The following PRTG variants were observed in gnomAD, a reference collection of about 807,000 sequenced individuals.
PRTG encodes immunoglobulin superfamily, DCC subclass, member 5.
A neutral mutation model predicts 122.5 loss-of-function variants in PRTG; 67 were observed. The observed-to-expected ratio is 0.55, with a 90% CI of 0.45 to 0.67. The LOEUF is 0.67. Among genes scored for constraint, PRTG ranks in the 30% least tolerant of loss-of-function variants. The pLI, the probability that PRTG is intolerant of heterozygous loss-of-function variation, is 0.00. For synonymous variants in PRTG, 554 were observed against 501.1 expected, an observed-to-expected ratio of 1.11 and a Z score of -1.41; for missense variants, 1,435 against 1,415.4, an observed-to-expected ratio of 1.01 and a Z score of -0.22.
rs1408430197 is a variant in PRTG at position 55,661,565 on chromosome 15, C to A, written c.2041+10880G>T. Among the ~76,000 whole-genome samples, 2 of 152,120 alleles carry A rather than the reference C, an allele frequency of 1.3e-5. 1 individual carries two copies. The highest frequency in any genetic ancestry group is 1.3e-4 in the Admixed American group (2 of 15,270). On this transcript the variant is annotated intron_variant, in intron 11 of 19. Transcript: ENST00000389286. ...CTGTGCTATGCAGTTTCAGGGTAGA[C>A]AATTTTCTTTACTCTTTCTTTTCTT...
Position 55,638,662 on chromosome 15 carries a change from A to G in PRTG, c.2339T>C (p.Met780Thr), listed in dbSNP as rs770327565. Residue 780 changes from methionine (M) to threonine (T), a missense_variant, in exon 14 of 20, where the codon ATG (methionine) becomes ACG (threonine). By Grantham distance (81) the Met-to-Thr change is moderately conservative (BLOSUM62 -1). Transcript: ENST00000389286. ...VLYLQTSETHMLVQGLEPNTK... is the reference protein window; with the variant it reads ...VLYLQTSETHTLVQGLEPNTK... The stretch of plus-strand genomic sequence containing the variant: ...GTTTGGTTCTAGACCTTGAACCAAC[A>G]TGTGAGTTTCTGATCTATAATAACG... 2 of 1,612,868 alleles carry G rather than the reference A, an allele frequency of 1.2e-6. No individual in the cohort carries two copies. The highest frequency in any genetic ancestry group is 1.1e-5 in the South Asian group (1 of 90,754).
intron 5 of PRTG, 127 bp downstream of exon 5, chr15:55,680,364 C>CA (rs1409265093): frequency 8.3e-7 from 1 of 1,203,206 alleles, no homozygotes; most frequent in Non-Finnish European, 1.1e-6. Context: ...ACTGAAATGC[C>CA]AAAAAAATTA....
At chr15:55,696,596 T>G (rs2141835469) in intron 2 of PRTG, among the ~76,000 whole-genome samples, 1 of 152,172 alleles carries the variant, frequency 6.6e-6, no homozygotes, top group East Asian at 1.9e-4. Flanking sequence ...AAAACTTATA[T>G]CCTTAAGACT....
intron 2 of PRTG, among the ~76,000 whole-genome samples, chr15:55,719,713 A>AAACAATGAGAAATTGTCTCACTT (rs1217015593): frequency 1.3e-5 from 2 of 152,196 alleles, no homozygotes; most frequent in Admixed American, 6.5e-5. Flanking sequence ...GGCAATATTA[A>AAACAATGAGAAATTGTCTCACTT]AACAATGAGA....
rs151058994 is a variant in PRTG at position 55,717,745 on chromosome 15, C to G, written c.397+22637G>C. Among the ~76,000 whole-genome samples, 919 of 152,296 alleles carry G rather than the reference C, an allele frequency of 6.0e-3. 7 individuals are homozygous for G. The highest frequency in any genetic ancestry group is 8.7e-3 in the Non-Finnish European group (593 of 68,038). On this transcript the variant is annotated intron_variant, in intron 2 of 19. Transcript: ENST00000389286. ...TTTTTAATCATCATAATTTCACTAT[C>G]ATACATAAAAAGTGTCCAGCATTTT...
intron 1 of PRTG, among the ~76,000 whole-genome samples, chr15:55,741,622 G>A (rs1045781620): frequency 5.3e-5 from 8 of 152,098 alleles, no homozygotes; most frequent in Non-Finnish European, 8.8e-5. Context: ...ATTGATTGGG[G>A]GTGAATGGAG....
intron 2 of PRTG, among the ~76,000 whole-genome samples, chr15:55,694,846 G>T (rs1371769236): frequency 6.6e-6 from 1 of 152,114 alleles, no homozygotes; most frequent in Non-Finnish European, 1.5e-5. Context: ...CCGCCAGTTA[G>T]GTATGATTTT....
At chr15:55,729,417 T>C (rs2031152910) in intron 2 of PRTG, among the ~76,000 whole-genome samples, 1 of 151,684 alleles carries the variant, frequency 6.6e-6, no homozygotes, top group Non-Finnish European at 1.5e-5. Flanking sequence ...GTGATGAAAA[T>C]TTTCTGGAAT....
Position 55,618,465 on chromosome 15 carries a change from C to A in PRTG, c.*1547G>T, listed in dbSNP as rs374240627. 6.6e-6 allele frequency: 1 copy of A among 152,166 alleles called. No individual in the cohort carries two copies. 9.4% of individuals were successfully genotyped at this position (152,166 alleles called of 1,614,324 possible). A position where few individuals can be genotyped will look rare whatever the true frequency, so the allele number is the denominator to read the frequency against. ...AAGGATATGGGACCCCTTCTCTACA[C>A]GCGTTTAGTTCTTTATCCTCTCCCA... On this transcript the variant is annotated 3_prime_UTR_variant, in exon 20 of 20. Coordinates refer to ENST00000389286, the MANE Select transcript of PRTG (RefSeq NM_173814.6).
intron 11 of PRTG, among the ~76,000 whole-genome samples, chr15:55,670,182 T>C (rs149747401): frequency 6.6e-6 from 1 of 152,084 alleles, no homozygotes. Flanking sequence ...GTAGAAAATT[T>C]TGAAGAATTG....
chr15:55,736,087 T>C (rs1024713704), intron 2 of PRTG, among the ~76,000 whole-genome samples: 3 of 152,188 alleles, frequency 2.0e-5, no homozygotes, highest in African/African-American at 4.8e-5. Context: ...GTTGGCAGAT[T>C]GGTTTCTCTA....
intron 12 of PRTG, 151 bp from the exon 13 acceptor site, chr15:55,639,979 C>T (rs2059280602): frequency 6.9e-7 from 1 of 1,444,002 alleles, no homozygotes; most frequent in African/African-American, 1.4e-5. Context: ...ATGTATCATC[C>T]AAACCTAAAC....
At chr15:55,711,481 G>A (rs1203122596) in intron 2 of PRTG, among the ~76,000 whole-genome samples, 1 of 152,196 alleles carries the variant, frequency 6.6e-6, no homozygotes, top group Non-Finnish European at 1.5e-5. Flanking sequence ...CCAGCAGAAT[G>A]AGATGGAAGA....
At chr15:55,648,954 G>A (rs184399169) in intron 11 of PRTG, among the ~76,000 whole-genome samples, 31 of 151,870 alleles carry the variant, frequency 2.0e-4, no homozygotes, top group Non-Finnish European at 3.5e-4. Context: ...AAAATTAGCC[G>A]GGCGTGGTGA....
chr15:55,674,236 G>C (rs1399808829), intron 9 of PRTG, among the ~76,000 whole-genome samples: 4 of 152,208 alleles, frequency 2.6e-5, no homozygotes, highest in Admixed American at 2.6e-4. Flanking sequence ...TAAGAGTTCA[G>C]ATGGGTTCTA....
intron 11 of PRTG, chr15:55,655,207 C>T (rs577538248): frequency 5.3e-5 from 8 of 152,274 alleles, no homozygotes; most frequent in Admixed American, 2.0e-4. Context: ...TCTGGGAGTT[C>T]TTAGATCCAA....
At chr15:55,652,752 A>C (rs149525829) in intron 11 of PRTG, among the ~76,000 whole-genome samples, 19 of 152,260 alleles carry the variant, frequency 1.2e-4, no homozygotes, top group African/African-American at 4.1e-4. Flanking sequence ...CACAAATCAC[A>C]TTTGCACAAT....
At position 55,620,190 on chromosome 15, in the gene PRTG, G is replaced by C. The variant is rs936354534; in HGVS notation, c.3275C>G (p.Pro1092Arg). ...TTVLISDEDS[P>R]SSPGQTTSFS... Reference sequence around the variant, plus strand: ...GCTGGTTGTCTGACCTGGGGAGCTAGGGGAGTCTTCATCACTGATTAATAC... The same window carrying C: ...GCTGGTTGTCTGACCTGGGGAGCTACGGGAGTCTTCATCACTGATTAATAC... Residue 1092 changes from proline to arginine, a missense_variant, in exon 20 of 20, where the codon CCT becomes CGT. Pro to Arg is a moderately radical substitution (Grantham distance 103, BLOSUM62 -2). Coordinates refer to ENST00000389286, the MANE Select transcript of PRTG (RefSeq NM_173814.6). 2 of 1,614,074 alleles carry C rather than the reference G, an allele frequency of 1.2e-6. No individual in the cohort carries two copies. Among genetic ancestry groups the C allele is most frequent in the Admixed American group, 1.7e-5 (1 of 60,002 alleles).
intron 2 of PRTG, among the ~76,000 whole-genome samples, chr15:55,713,365 T>C (rs1268003438): frequency 2.0e-5 from 3 of 152,236 alleles, no homozygotes; most frequent in African/African-American, 7.2e-5. Flanking sequence ...ATTTTCTTAC[T>C]GAGAGACATG....
Sources: allele counts gnomAD v4.1 joint callset (sites outside exome capture counted in the v4.1 genomes callset), GRCh38; gene constraint gnomAD v4.1.1; transcripts MANE v1.5; gene names NCBI Gene and HGNC (gene_info 2026-07-23, HGNC 2026-07-21).